Variants in CEP128 observed in about 807,000 individuals in gnomAD.
CEP128 encodes the protein centrosomal protein 128kDa.
Under a neutral mutation model 156.7 loss-of-function variants are expected in CEP128, and 132 were observed. That is an observed-to-expected ratio of 0.84 (90% confidence interval 0.73 to 0.97). The LOEUF is 0.97. CEP128 is among the 50% of genes least tolerant of loss of function. The probability of loss-of-function intolerance (pLI) is 0.00; values close to 1 mark genes in which losing one functional copy is unlikely to be tolerated. For synonymous variants in CEP128, 469 were observed against 448.9 expected, an observed-to-expected ratio of 1.04 and a Z score of -0.57; for missense variants, 1,252 against 1,281.9, an observed-to-expected ratio of 0.98 and a Z score of 0.36.
chr14:80,484,029 T>C (rs1200177946), intron 14 of CEP128, among the ~76,000 whole-genome samples: 1 of 152,058 alleles, frequency 6.6e-6, no homozygotes, highest in Non-Finnish European at 1.5e-5. Flanking sequence ...TAGGCTAGAG[T>C]GCAGTGGCAC....
chr14:80,818,178 C>A (rs1346007887), intron 13 of CEP128, among the ~76,000 whole-genome samples: 2 of 152,068 alleles, frequency 1.3e-5, no homozygotes, highest in Non-Finnish European at 2.9e-5. Context: ...TACCACTATG[C>A]CTGGCTAAAT....
chr14:80,661,279 A>G (rs1436202675), intron 19 of CEP128, among the ~76,000 whole-genome samples: 1 of 152,172 alleles, frequency 6.6e-6, no homozygotes, highest in Non-Finnish European at 1.5e-5. Flanking sequence ...CATTATTTGA[A>G]TGTTTAAAAC....
chr14:80,647,062 T>TGC lies in CEP128; in HGVS notation c.2807-66640_2807-66639insGC, dbSNP rs1566831604. Reference sequence around the variant, plus strand: ...GTATATATATATATATATATATATATATATATATATATATATATATATATA... The same window carrying TGC: ...GTATATATATATATATATATATATATGCATATATATATATATATATATATATA... On this transcript the variant is annotated intron_variant, in intron 19 of 24. Transcript: ENST00000555265. Among the ~76,000 whole-genome samples, 19 of 19,322 alleles carry TGC rather than the reference T, an allele frequency of 9.8e-4. 1 individual carries two copies. Among genetic ancestry groups the TGC allele is most frequent in the East Asian group, 4.2e-3 (1 of 238 alleles). 12.7% of individuals were successfully genotyped at this position (19,322 alleles called of 152,430 possible). A position where few individuals can be genotyped will look rare whatever the true frequency, so the allele number is the denominator to read the frequency against.
chr14:80,954,681 G>T (rs761994047), intron 2 of CEP128, among the ~76,000 whole-genome samples: 1 of 152,118 alleles, frequency 6.6e-6, no homozygotes, highest in Non-Finnish European at 1.5e-5. Context: ...TATCCCAAGA[G>T]GAATAAGTGA....
chr14:80,721,166 A>C (rs890439287), intron 19 of CEP128, among the ~76,000 whole-genome samples: 7 of 152,186 alleles, frequency 4.6e-5, no homozygotes, highest in African/African-American at 1.7e-4. Flanking sequence ...GATCCCTTAA[A>C]TAATTTTTAC....
chr14:80,820,480 T>C (rs2139993832), intron 13 of CEP128, among the ~76,000 whole-genome samples: 1 of 152,384 alleles, frequency 6.6e-6, no homozygotes, highest in Non-Finnish European at 1.5e-5. Context: ...TGAGTTCATT[T>C]AGACTCCTAG....
At chr14:80,853,287 T>C (rs1886985338) in intron 9 of CEP128, among the ~76,000 whole-genome samples, 1 of 151,762 alleles carries the variant, frequency 6.6e-6, no homozygotes, top group Non-Finnish European at 1.5e-5. Flanking sequence ...AGACTTCAGG[T>C]TCTAACCAGT....
At chr14:80,899,712 T>C (rs1231313481) in intron 7 of CEP128, among the ~76,000 whole-genome samples, 1 of 152,186 alleles carries the variant, frequency 6.6e-6, no homozygotes, top group East Asian at 1.9e-4. Context: ...CAGCATTCCA[T>C]TGTATTAAGT....
At chr14:80,510,476 C>T (rs554531080) in intron 23 of CEP128, among the ~76,000 whole-genome samples, 1 of 152,178 alleles carries the variant, frequency 6.6e-6, no homozygotes, top group South Asian at 2.1e-4. Flanking sequence ...TTGTATCCTT[C>T]AAATTTACTG....
intron 4 of CEP128, among the ~76,000 whole-genome samples, chr14:80,909,511 C>A (rs1198952049): frequency 6.6e-6 from 1 of 151,890 alleles, no homozygotes; most frequent in African/African-American, 2.4e-5. Context: ...TCTATCAACC[C>A]CATTTTAAAA....
intron 18 of CEP128, among the ~76,000 whole-genome samples, chr14:80,744,892 C>G (rs1899020901): frequency 6.6e-6 from 1 of 152,220 alleles, no homozygotes; most frequent in African/African-American, 2.4e-5. Context: ...GGGGTCCCAA[C>G]TGCCATTTCC....
Position 80,675,685 on chromosome 14 carries a change from C to A in CEP128, c.2806+67390G>T, listed in dbSNP as rs554595952. ...TAGAATTAATATCTGTAATTGGTCTCTTTGCTTTTTTGTTTTTGAAACACA... is the reference window on the plus strand; with the variant it reads ...TAGAATTAATATCTGTAATTGGTCTATTTGCTTTTTTGTTTTTGAAACACA... On this transcript the variant is annotated intron_variant, in intron 19 of 24. Coordinates refer to ENST00000555265, the MANE Select transcript of CEP128 (RefSeq NM_152446.5). Among the ~76,000 whole-genome samples, 20 of 152,034 alleles carry A rather than the reference C, an allele frequency of 1.3e-4. No homozygotes were observed. The East Asian group carries it at 3.5e-3, about 26-fold the overall frequency.
Position 80,655,287 on chromosome 14 carries a change from A to T in CEP128, c.2807-74864T>A, listed in dbSNP as rs893847385. ...TTATATCTATCCATCCAATCTCTTCATGTTGCTGCCAGAGTGACCTTACTA... is the reference window on the plus strand; with the variant it reads ...TTATATCTATCCATCCAATCTCTTCTTGTTGCTGCCAGAGTGACCTTACTA... On this transcript the variant is annotated intron_variant, in intron 19 of 24. Transcript: ENST00000555265. 5.9e-5 allele frequency among the ~76,000 whole-genome samples: 9 copies of T among 152,238 alleles called. No homozygotes were observed. The Middle Eastern group carries it at 0.01, about 173-fold the overall frequency.
intron 6 of CEP128, among the ~76,000 whole-genome samples, chr14:80,903,826 A>T (rs1449545977): frequency 6.6e-6 from 1 of 152,184 alleles, no homozygotes; most frequent in African/African-American, 2.4e-5. Flanking sequence ...AATGGCTTTT[A>T]TCAAAAAGAT....
At chr14:80,778,457 T>G (rs1900921091) in intron 15 of CEP128, among the ~76,000 whole-genome samples, 1 of 152,216 alleles carries the variant, frequency 6.6e-6, no homozygotes, top group African/African-American at 2.4e-5. Flanking sequence ...CTATGAGATG[T>G]TACTAACTGA....
intron 13 of CEP128, among the ~76,000 whole-genome samples, chr14:80,795,662 A>G (rs1169892585): frequency 6.6e-6 from 1 of 152,188 alleles, no homozygotes; most frequent in African/African-American, 2.4e-5. Flanking sequence ...CCCAGCTCAC[A>G]CAAGGGCCAT....
At chr14:80,740,465 C>A (rs1174288593) in intron 19 of CEP128, among the ~76,000 whole-genome samples, 1 of 151,370 alleles carries the variant, frequency 6.6e-6, no homozygotes, top group Non-Finnish European at 1.5e-5. Flanking sequence ...CACACACACA[C>A]ACACACACAC....
chr14:80,776,119 C>G (rs1900776942), intron 16 of CEP128, among the ~76,000 whole-genome samples: 1 of 152,008 alleles, frequency 6.6e-6, no homozygotes. Context: ...AAGGCATGGG[C>G]TACCATGCCC....
intron 19 of CEP128, among the ~76,000 whole-genome samples, chr14:80,708,674 A>G (rs575714489): frequency 4.0e-4 from 61 of 152,212 alleles, no homozygotes; most frequent in Middle Eastern, 6.8e-3. Flanking sequence ...AAATTAGTCA[A>G]TCTTTACTCC....
Sources: allele counts gnomAD v4.1 joint callset (sites outside exome capture counted in the v4.1 genomes callset), GRCh38; gene constraint gnomAD v4.1.1; transcripts MANE v1.5; gene names NCBI Gene and HGNC (gene_info 2026-07-23, HGNC 2026-07-21).